The following PODN variants were observed in gnomAD, a reference collection of about 807,000 sequenced individuals.
PODN encodes podocan proteoglycan.
A neutral mutation model predicts 52.7 loss-of-function variants in PODN; 40 were observed. The ratio of observed to expected loss-of-function variants is 0.76; its 90% CI spans 0.59 to 0.99. The LOEUF (loss-of-function observed/expected upper bound fraction) is 0.99, where lower values mean the gene tolerates loss of function less well. Among genes scored for constraint, PODN ranks in the 50% least tolerant of loss-of-function variants. The pLI is 0.00. For synonymous variants in PODN, 396 were observed against 377.9 expected, an observed-to-expected ratio of 1.05 and a Z score of -0.56; for missense variants, 720 against 815.1, an observed-to-expected ratio of 0.88 and a Z score of 1.42.
chr1:53,080,772 G>C lies in PODN; in HGVS notation c.1557G>C (p.Gly519=). ...AGNQLTEIPE[G]LPESLEYLYL... is the part of the protein sequence containing the mutation. ...ATCAGCTCACAGAGATCCCCGAGGG[G>C]CTCCCCGAGTCACTTGAGTACCTGT... Residue 519 remains glycine (G), a synonymous_variant, in exon 9 of 11, where the codon GGG becomes GGC. Transcript: ENST00000312553. 2 of 1,614,086 alleles carry C rather than the reference G, an allele frequency of 1.2e-6. No homozygotes were observed. Among genetic ancestry groups the C allele is most frequent in the South Asian group, 1.1e-5 (1 of 91,078 alleles).
Position 53,069,904 on chromosome 1 carries a change from C to T in PODN, c.49C>T (p.Leu17=), listed in dbSNP as rs1383420503. ...GCTCCTGCTGCTGCTGCCGCCACAG[C>T]TGCACCTGGGACCTGTGCTTGCCGT... The part of the protein sequence containing the change: ...LLLLLLLPPQ[L]HLGPVLAVRA... Residue 17 remains leucine (L), a synonymous_variant, in exon 2 of 11, where the codon CTG becomes TTG. Coordinates refer to ENST00000312553, the MANE Select transcript of PODN (RefSeq NM_153703.5). 1 of 1,570,490 alleles carries T rather than the reference C, an allele frequency of 6.4e-7. No individual in the cohort carries two copies. The highest frequency in any genetic ancestry group is 1.4e-5 in the African/African-American group (1 of 73,846).
At chr1:53,082,348 G>A (rs1371349145) in intron 10 of PODN, among the ~76,000 whole-genome samples, 160 bp downstream of exon 10, 1 of 152,184 alleles carries the variant, frequency 6.6e-6, no homozygotes, top group African/African-American at 2.4e-5. Context: ...CCAGGCCGTG[G>A]GTGAAAGGTT....
intron 4 of PODN, 109 bp from the exon 5 acceptor site, chr1:53,075,752 TG>T: frequency 1.2e-6 from 1 of 800,666 alleles, no homozygotes; most frequent in Non-Finnish European, 2.1e-6. Flanking sequence ...AAAGATGGCC[TG>T]GTTGCAGGGA....
At chr1:53,064,472 T>C (rs1465776853) in intron 1 of PODN, among the ~76,000 whole-genome samples, 1 of 152,252 alleles carries the variant, frequency 6.6e-6, no homozygotes, top group Non-Finnish European at 1.5e-5. Context: ...GTCAATAAGA[T>C]GCAGCTGTTT....
At chr1:53,082,645 CATGT>C (rs1471868903) in intron 10 of PODN, among the ~76,000 whole-genome samples, 3 of 152,192 alleles carry the variant, frequency 2.0e-5, no homozygotes, top group African/African-American at 4.8e-5. Flanking sequence ...GGCATTTGCA[CATGT>C]ATGTAACACA....
chr1:53,071,662 A>C, intron 3 of PODN, 34 bp downstream of exon 3: 1 of 1,582,564 alleles, frequency 6.3e-7, no homozygotes, highest in Non-Finnish European at 8.7e-7. Flanking sequence ...GGTCAGGGAC[A>C]CCAAGTGGGG....
intron 9 of PODN, 43 bp from the exon 10 acceptor site, chr1:53,081,938 G>T: frequency 6.4e-7 from 1 of 1,554,542 alleles, no homozygotes; most frequent in Non-Finnish European, 8.7e-7. Flanking sequence ...AGGGTTCCTT[G>T]GGGGTTGGGC....
At chr1:53,071,498 G>A in intron 2 of PODN, 37 bp from the exon 3 acceptor site, 1 of 1,553,568 alleles carries the variant, frequency 6.4e-7, no homozygotes, top group Non-Finnish European at 8.9e-7. Context: ...ACCCCACTAG[G>A]CTGATGCTGC....
Position 53,070,062 on chromosome 1 carries a change from C to A in PODN, c.207C>A (p.Pro69=), listed in dbSNP as rs1644093725. The part of the protein sequence containing the change: ...PGPGPAAVSC[P]RDCACSQEGV... ...CTGGCCCAGCCGCGGTCAGCTGCCC[C>A]CGAGACTGTGCCTGTTCCCAGGAGG... The change falls in exon 2 of 11, where the codon CCC becomes CCA. Residue 69 remains proline (P), a synonymous_variant. Transcript: ENST00000312553. The A allele has an allele frequency of 2.5e-6, 4 of 1,613,086 alleles. No homozygotes were observed. The East Asian group carries it at 8.9e-5, about 36-fold the overall frequency.
intron 5 of PODN, 28 bp downstream of exon 5, chr1:53,075,999 G>A (rs764226338): frequency 2.5e-5 from 39 of 1,530,112 alleles, no homozygotes; most frequent in African/African-American, 1.2e-4. Flanking sequence ...GTCAGGGCTC[G>A]GGCTGGGGCA....
rs749783635 is a variant in PODN, at chr1:53,069,900, A to G, written c.45A>G (p.Pro15=). Residue 15 remains proline, a synonymous_variant, in exon 2 of 11, where the codon CCA becomes CCG. Transcript: ENST00000312553. ...TGCTGCTCCTGCTGCTGCTGCCGCC[A>G]CAGCTGCACCTGGGACCTGTGCTTG... ...RVLLLLLLLP[P]QLHLGPVLAV... is the part of the protein sequence containing the mutation. 2 of 1,569,626 alleles carry G rather than the reference A, an allele frequency of 1.3e-6. No homozygotes were observed. Among genetic ancestry groups the G allele is most frequent in the South Asian group, 2.3e-5 (2 of 86,192 alleles).
At chr1:53,084,203 G>T (rs1245360507) in intron 10 of PODN, among the ~76,000 whole-genome samples, 1 of 151,854 alleles carries the variant, frequency 6.6e-6, no homozygotes, top group Non-Finnish European at 1.5e-5. Context: ...AGGGTGACTG[G>T]CCATCCAGTG....
chr1:53,078,700 G>T lies in PODN; in HGVS notation c.1190G>T (p.Arg397Leu), dbSNP rs141138245. ...ILHNQITGIG[R>L]EDFATTYFLE... ...CACAACCAGATCACAGGCATTGGCCGCGAAGACTTTGCCACCACCTACTTC... is the reference window on the plus strand; with the variant it reads ...CACAACCAGATCACAGGCATTGGCCTCGAAGACTTTGCCACCACCTACTTC... Residue 397 changes from arginine (R) to leucine (L), a missense_variant, in exon 8 of 11, where the codon CGC (arginine) becomes CTC (leucine). Transcript: ENST00000312553. 2 of 1,613,240 alleles carry T rather than the reference G, an allele frequency of 1.2e-6. No individual in the cohort carries two copies. The highest frequency in any genetic ancestry group is 2.7e-5 in the African/African-American group (2 of 74,952).
intron 3 of PODN, among the ~76,000 whole-genome samples, chr1:53,074,019 A>G (rs957048875): frequency 2.0e-5 from 3 of 152,186 alleles, no homozygotes; most frequent in Non-Finnish European, 4.4e-5. Flanking sequence ...TTCCATGGAG[A>G]GACATGCCAG....
chr1:53,077,969 A>G (rs72905188), intron 7 of PODN, among the ~76,000 whole-genome samples, 169 bp downstream of exon 7: 2,483 of 152,266 alleles, frequency 0.016, 60 homozygotes, highest in African/African-American at 0.052. Flanking sequence ...CCCTGGGAAC[A>G]AGGACTATGT....
chr1:53,062,479 C>A lies in PODN; in HGVS notation c.-56+171C>A, dbSNP rs555277470. 2.3e-3 allele frequency among the ~76,000 whole-genome samples: 356 copies of A among 152,326 alleles called. 1 individual carries two copies. The highest frequency in any genetic ancestry group is 0.017 in the Middle Eastern group (5 of 294). ...CCCAGGGCACGGCCGGAGATCTCCT[C>A]CTCTGGAGTGCGACCCCTGCGCAGT... On this transcript the variant is annotated intron_variant, in intron 1 of 10. Coordinates refer to ENST00000312553, the MANE Select transcript of PODN (RefSeq NM_153703.5).
At position 53,070,000 on chromosome 1, in the gene PODN, G is replaced by T; in HGVS notation, c.145G>T (p.Glu49Ter). The change falls in exon 2 of 11, where the codon GAG becomes TAG. Residue 49 changes from glutamate to a stop codon, truncating the protein, a stop_gained. Transcript: ENST00000312553. LOFTEE classifies it high-confidence loss of function. The part of the protein sequence containing the change: ...SPEENEFAEE[E>*]PVLVLSPEEP... ...CGAAGAGAACGAATTTGCGGAGGAG[G>T]AGCCGGTGCTGGTACTGAGCCCTGA... The T allele has an allele frequency of 6.2e-7, 1 of 1,612,488 alleles. No individual in the cohort carries two copies. Among genetic ancestry groups the T allele is most frequent in the Non-Finnish European group, 8.5e-7 (1 of 1,179,728 alleles).
intron 4 of PODN, among the ~76,000 whole-genome samples, chr1:53,075,561 T>A (rs547907018): frequency 2.5e-4 from 38 of 152,260 alleles, no homozygotes; most frequent in Non-Finnish European, 4.0e-4. Context: ...GTCTTTTGGC[T>A]AAGATCAGGT....
At chr1:53,062,384 C>A in intron 1 of PODN, 76 bp downstream of exon 1, 1 of 1,087,342 alleles carries the variant, frequency 9.2e-7, no homozygotes, top group Non-Finnish European at 1.2e-6. Flanking sequence ...ACGTCCCCGC[C>A]TCTCCGGATG....
Sources: gnomAD v4.1 joint callset for allele counts (sites outside exome capture counted in the v4.1 genomes callset) on GRCh38, gnomAD v4.1.1 for gene constraint, MANE v1.5 for transcripts, NCBI Gene and HGNC (gene_info 2026-07-23, HGNC 2026-07-21) for gene names.